MRGPRF: variants seen among roughly 807,000 people sequenced by gnomAD.
MRGPRF encodes the protein mas-related G protein-coupled receptor member F.
MRGPRF carries 2 observed loss-of-function variants against 3.3 expected under a neutral mutation model. The observed-to-expected ratio is 0.61, with a 90% CI of 0.25 to 1.92. MRGPRF has a LOEUF of 1.92. Among genes scored for constraint, MRGPRF ranks in the 40% most tolerant of loss-of-function variants. The probability of loss-of-function intolerance (pLI) is 0.16; values close to 1 mark genes in which losing one functional copy is unlikely to be tolerated. For missense variants in MRGPRF, 500 were observed against 476.0 expected (o/e 1.05, Z -0.47); for synonymous variants, 242 against 222.7 (o/e 1.09, Z -0.77).
At chr11:69,009,665 G>T in intron 2 of MRGPRF, 189 bp downstream of exon 2, 1 of 715,224 alleles carries the variant, frequency 1.4e-6, no homozygotes, top group South Asian at 1.5e-5. Context: ...ATGAGGACAG[G>T]AGGGTAGGAG....
At chr11:69,006,352 T>TGGGGGGGG in intron 2 of MRGPRF, 91 bp from the exon 3 acceptor site, 1 of 977,644 alleles carries the variant, frequency 1.0e-6, no homozygotes. Context: ...AGGGGGGGGG[T>TGGGGGGGG]CCCAATTAGG....
chr11:69,006,734 C>G lies in MRGPRF; in HGVS notation c.49-473G>C, dbSNP rs1235267953. On this transcript the variant is annotated intron_variant, in intron 2 of 2. Transcript: ENST00000309099. ...TGCCTCCCAGGTTCAAGCGATTCTCCTGCCTCAGCCTCCTGAGTAGCTGGG... is the reference window on the plus strand; with the variant it reads ...TGCCTCCCAGGTTCAAGCGATTCTCGTGCCTCAGCCTCCTGAGTAGCTGGG... 4.6e-5 allele frequency among the ~76,000 whole-genome samples: 7 copies of G among 150,900 alleles called. No individual in the cohort carries two copies. The East Asian group carries it at 1.4e-3, about 30-fold the overall frequency.
In MRGPRF at chr11:69,009,767, G is replaced by C. The variant is rs773626302; in HGVS notation, c.48+87C>G. The C allele has an allele frequency of 9.6e-6, 14 of 1,465,094 alleles. No individual in the cohort carries two copies. In the Middle Eastern group the frequency reaches 5.4e-4, roughly 56 times the overall value. The allele number at this position is 1,465,094 out of a possible 1,614,324, so 90.8% of individuals were successfully genotyped here. A position where few individuals can be genotyped will look rare whatever the true frequency, so the allele number is the denominator to read the frequency against. On this transcript the variant is annotated intron_variant, in intron 2 of 2. Transcript: ENST00000309099. ...TGGAAAGTGGGGCCAGGAAGGGGGG[G>C]ATGGGGGAGGAGATGCTGGGCTGGG... is the stretch of plus-strand genomic sequence containing the variant.
At chr11:69,011,646 C>CCTAT (rs1860599554) in intron 1 of MRGPRF, among the ~76,000 whole-genome samples, 2 of 152,328 alleles carry the variant, frequency 1.3e-5, no homozygotes, top group Non-Finnish European at 2.9e-5. Context: ...CAACCCCAGA[C>CCTAT]CTATCACCTG....
At chr11:69,006,619 CTTTTTTTTT>C (rs11326908) in intron 2 of MRGPRF, among the ~76,000 whole-genome samples, 2 of 107,934 alleles carry the variant, frequency 1.9e-5, no homozygotes, top group Non-Finnish European at 3.5e-5. Context: ...GAGCCTTTCC[CTTTTTTTTT>C]TTTTTTTTTT....
In MRGPRF at chr11:69,005,028, C is replaced by A. The variant is rs1301949154; in HGVS notation, c.*250G>T. ...GGGCCCCACCACCTGGGGGCAACTTCTGTACAAGAGGTCTCTAGGGGAGCA... is the reference window on the plus strand; with the variant it reads ...GGGCCCCACCACCTGGGGGCAACTTATGTACAAGAGGTCTCTAGGGGAGCA... On this transcript the variant is annotated 3_prime_UTR_variant, in exon 3 of 3. Transcript: ENST00000309099. 2.1e-6 allele frequency: 1 copy of A among 473,802 alleles called. No homozygotes were observed. The allele number at this position is 473,802 out of a possible 1,614,324, so 29.3% of individuals were successfully genotyped here. A position where few individuals can be genotyped will look rare whatever the true frequency, so the allele number is the denominator to read the frequency against.
rs901781406 is a variant in MRGPRF at position 69,005,865 on chromosome 11, C to T, written c.445G>A (p.Ala149Thr). 6 of 1,556,608 alleles carry T rather than the reference C, an allele frequency of 3.9e-6. No homozygotes were observed. Among genetic ancestry groups the T allele is most frequent in the East Asian group, 2.3e-5 (1 of 42,854 alleles). Residue 149 changes from alanine to threonine, a missense_variant, in exon 3 of 3, where the codon GCC (alanine) becomes ACC (threonine). Coordinates refer to ENST00000309099, the MANE Select transcript of MRGPRF (RefSeq NM_145015.5). ...TTGGGCCGCCGGCGCCAGTACCAGGCGGGGAAGATGACCGAGGCGCAGCGC... is the reference window on the plus strand; with the variant it reads ...TTGGGCCGCCGGCGCCAGTACCAGGTGGGGAAGATGACCGAGGCGCAGCGC... ...AERCASVIFPAWYWRRRPKRL... is the reference protein window; with the variant it reads ...AERCASVIFPTWYWRRRPKRL...
Position 69,005,901 on chromosome 11 carries a change from C to T in MRGPRF, c.409G>A (p.Val137Ile), listed in dbSNP as rs747115367. The T allele has an allele frequency of 2.5e-6, 4 of 1,572,094 alleles. No individual in the cohort carries two copies. Among genetic ancestry groups the T allele is most frequent in the East Asian group, 2.3e-5 (1 of 43,258 alleles). The change falls in exon 3 of 3, where the codon GTC (valine) becomes ATC (isoleucine). Residue 137 changes from valine to isoleucine, a missense_variant. Val to Ile is a conservative substitution (Grantham distance 29, BLOSUM62 3). Coordinates refer to ENST00000309099, the MANE Select transcript of MRGPRF (RefSeq NM_145015.5). ...FLTGVSLLPA[V>I]SAERCASVIF... ...ACCGAGGCGCAGCGCTCGGCGCTGA[C>T]GGCCGGCAGGAGGCTCACGCCGGTA...
In MRGPRF at chr11:69,005,362, G is replaced by A. The variant is rs371144082; in HGVS notation, c.948C>T (p.Asp316=). 1.1e-5 allele frequency: 17 copies of A among 1,568,914 alleles called. No homozygotes were observed. The African/African-American group carries it at 1.2e-4, about 11-fold the overall frequency. ...LRVVFQRALR[D]GAELGEAGGS... ...CCCCGGCCTCCCCCAGCTCAGCGCCGTCCCGCAGGGCCCGCTGGAAGACCA... is the reference window on the plus strand; with the variant it reads ...CCCCGGCCTCCCCCAGCTCAGCGCCATCCCGCAGGGCCCGCTGGAAGACCA... The change falls in exon 3 of 3, where the codon GAC becomes GAT. Residue 316 remains aspartate, a synonymous_variant. Coordinates refer to ENST00000309099, the MANE Select transcript of MRGPRF (RefSeq NM_145015.5).
rs1337814141 is a variant in MRGPRF, at chr11:69,005,909, A to G, written c.401T>C (p.Leu134Pro). The G allele has an allele frequency of 2.5e-6, 4 of 1,574,296 alleles. No individual in the cohort carries two copies. The highest frequency in any genetic ancestry group is 2.7e-5 in the African/African-American group (2 of 74,298). The stretch of plus-strand genomic sequence containing the variant: ...GCAGCGCTCGGCGCTGACGGCCGGC[A>G]GGAGGCTCACGCCGGTAAGGAACAT... The part of the protein sequence containing the change: ...LCMFLTGVSL[L>P]PAVSAERCAS... The change falls in exon 3 of 3, where the codon CTG becomes CCG. Residue 134 changes from leucine (L) to proline (P), a missense_variant. Physicochemically the swap from Leu to Pro is moderately conservative, Grantham distance 98. Transcript: ENST00000309099.
chr11:69,012,609 A>T (rs186031845), intron 1 of MRGPRF: 34 of 152,476 alleles, frequency 2.2e-4, no homozygotes, highest in African/African-American at 7.2e-4. Flanking sequence ...TGTGCACCCC[A>T]GGGCTGAGAG....
intron 1 of MRGPRF, among the ~76,000 whole-genome samples, chr11:69,011,641 C>T (rs566188880): frequency 2.8e-4 from 42 of 152,330 alleles, no homozygotes; most frequent in African/African-American, 9.6e-4. Flanking sequence ...CCCTGCAACC[C>T]CAGACCTATC....
At chr11:69,006,309 C>G (rs757518934) in intron 2 of MRGPRF, 48 bp from the exon 3 acceptor site, 2 of 1,543,130 alleles carry the variant, frequency 1.3e-6, no homozygotes, top group East Asian at 4.5e-5. Context: ...TGGCCCCCAC[C>G]CACAGACCTG....
chr11:69,011,671 G>C (rs1860599973), intron 1 of MRGPRF, among the ~76,000 whole-genome samples: 1 of 152,140 alleles, frequency 6.6e-6, no homozygotes, highest in South Asian at 2.1e-4. Flanking sequence ...CATCCTTCCG[G>C]GCGCCTGGTA....
chr11:69,005,547 A>C lies in MRGPRF; in HGVS notation c.763T>G (p.Leu255Val). The C allele has an allele frequency of 6.3e-7, 1 of 1,584,626 alleles. No homozygotes were observed. The highest frequency in any genetic ancestry group is 8.6e-7 in the Non-Finnish European group (1 of 1,165,766). The change falls in exon 3 of 3, where the codon TTA becomes GTA. Residue 255 changes from leucine to valine, a missense_variant. Coordinates refer to ENST00000309099, the MANE Select transcript of MRGPRF (RefSeq NM_145015.5). ...VSVFLVSSIYLGIDWFLFWVF... is the reference protein window; with the variant it reads ...VSVFLVSSIYVGIDWFLFWVF... Reference sequence around the variant, plus strand: ...CAGAAGAGGAACCAGTCGATCCCTAAGTAGATGGAGGACACCAGGAAGACG... The same window carrying C: ...CAGAAGAGGAACCAGTCGATCCCTACGTAGATGGAGGACACCAGGAAGACG...
At position 69,005,438 on chromosome 11, in the gene MRGPRF, T is replaced by A; in HGVS notation, c.872A>T (p.Tyr291Phe). The A allele has an allele frequency of 5.0e-6, 8 of 1,590,086 alleles. No homozygotes were observed. Among genetic ancestry groups the A allele is most frequent in the Non-Finnish European group, 6.8e-6 (8 of 1,168,550 alleles). Residue 291 changes from tyrosine to phenylalanine, a missense_variant, in exon 3 of 3, where the codon TAC becomes TTC. Physicochemically the swap from Tyr to Phe is conservative, Grantham distance 22 (BLOSUM62 3). Transcript: ENST00000309099. ...CINSSAKPIV[Y>F]FLAGRDKSQR... Reference sequence around the variant, plus strand: ...CGACTTGTCCCTCCCGGCCAGGAAGTAGACGATGGGCTTGGCGCTGCTGTT... The same window carrying A: ...CGACTTGTCCCTCCCGGCCAGGAAGAAGACGATGGGCTTGGCGCTGCTGTT...
At position 69,005,347 on chromosome 11, in the gene MRGPRF, C is replaced by A; in HGVS notation, c.963G>T (p.Gly321=). ...TGTTGGGCGTGCTGCCCCCGGCCTCCCCCAGCTCAGCGCCGTCCCGCAGGG... is the reference window on the plus strand; with the variant it reads ...TGTTGGGCGTGCTGCCCCCGGCCTCACCCAGCTCAGCGCCGTCCCGCAGGG... ...QRALRDGAEL[G]EAGGSTPNTV... is the part of the protein sequence containing the mutation. The change falls in exon 3 of 3, where the codon GGG becomes GGT. Residue 321 remains glycine, a synonymous_variant. Coordinates refer to ENST00000309099, the MANE Select transcript of MRGPRF (RefSeq NM_145015.5). The A allele has an allele frequency of 5.7e-6, 9 of 1,566,544 alleles. No individual in the cohort carries two copies. Among genetic ancestry groups the A allele is most frequent in the Non-Finnish European group, 7.8e-6 (9 of 1,157,284 alleles).
intron 2 of MRGPRF, chr11:69,009,612 C>G: frequency 1.6e-6 from 1 of 622,852 alleles, no homozygotes; most frequent in Non-Finnish European, 2.9e-6. Context: ...AGTGTCAGCA[C>G]AGCGAGGGAC....
At chr11:69,006,621 T>TTTA (rs2154012581) in intron 2 of MRGPRF, among the ~76,000 whole-genome samples, 1 of 106,952 alleles carries the variant, frequency 9.3e-6, no homozygotes, top group South Asian at 3.3e-4. Flanking sequence ...GCCTTTCCCT[T>TTTA]TTTTTTTTTT....
Sources: gnomAD v4.1 joint callset for allele counts (sites outside exome capture counted in the v4.1 genomes callset) on GRCh38, gnomAD v4.1.1 for gene constraint, MANE v1.5 for transcripts, NCBI Gene and HGNC (gene_info 2026-07-23, HGNC 2026-07-21) for gene names.